CCDC141: variants seen among roughly 807,000 people sequenced by gnomAD.
CCDC141 encodes the protein coiled-coil domain-containing protein 141.
Under a neutral mutation model 181.0 loss-of-function variants are expected in CCDC141, and 168 were observed. The observed-to-expected ratio is 0.93, with a 90% confidence interval of 0.82 to 1.05. The LOEUF (loss-of-function observed/expected upper bound fraction) is 1.05. CCDC141 is among the 50% of genes least tolerant of loss of function. The pLI is 0.00. For missense variants in CCDC141, 1,902 were observed against 1,788.5 expected, an observed-to-expected ratio of 1.06 and a Z score of -1.14; for synonymous variants, 666 against 642.3, an observed-to-expected ratio of 1.04 and a Z score of -0.56.
At position 178,905,510 on chromosome 2, in the gene CCDC141, G is replaced by A; in HGVS notation, c.1093-9C>T. On this transcript the variant is annotated splice_polypyrimidine_tract_variant and intron_variant, in intron 7 of 23. Transcript: ENST00000443758. ...CCAAGTACATCAAATGCCTGCCAAA[G>A]AAAACATACTTTTATTTTCTGCTTC... 1 of 1,537,624 alleles carries A rather than the reference G, an allele frequency of 6.5e-7. No individual in the cohort carries two copies. Among genetic ancestry groups the A allele is most frequent in the Admixed American group, 2.1e-5 (1 of 48,066 alleles).
chr2:178,970,635 A>G (rs930526579), intron 4 of CCDC141, among the ~76,000 whole-genome samples: 3 of 152,242 alleles, frequency 2.0e-5, no homozygotes, highest in African/African-American at 7.2e-5. Flanking sequence ...TGAATCAAAG[A>G]CTTAAATGTA....
intron 17 of CCDC141, among the ~76,000 whole-genome samples, chr2:178,857,991 G>C (rs2154367800): frequency 6.6e-6 from 1 of 152,200 alleles, no homozygotes; most frequent in East Asian, 1.9e-4. Context: ...AGCCCTAGTG[G>C]AATTGCGAAC....
In CCDC141 at chr2:178,853,759, T is replaced by C. The variant is rs186863065; in HGVS notation, c.3061-135A>G. On this transcript the variant is annotated intron_variant, in intron 19 of 23. Transcript: ENST00000443758. ...TTGGCTTGAACTTTCTAAGTCATAA[T>C]AAAGAAAATATTAAAACATGATCGT... 1.2e-4 allele frequency: 74 copies of C among 640,658 alleles called. 1 individual carries two copies. In the East Asian group the frequency reaches 2.0e-3, roughly 17 times the overall value. 39.7% of individuals were successfully genotyped at this position (640,658 alleles called of 1,614,324 possible). A position where few individuals can be genotyped will look rare whatever the true frequency, so the allele number is the denominator to read the frequency against.
intron 2 of CCDC141, among the ~76,000 whole-genome samples, chr2:179,015,374 T>TATATATCTCATATATGTACC (rs2042453807): frequency 6.4e-5 from 8 of 124,784 alleles, no homozygotes; most frequent in African/African-American, 2.4e-4. Flanking sequence ...ATATGTATCA[T>TATATATCTCATATATGTACC]ATATATCTCA....
In CCDC141 at chr2:178,833,094, C is replaced by G. The variant is rs1310010126; in HGVS notation, c.*1079G>C. ...CAGAAATTAGATAGGAATTTAAGCT[C>G]TAATTCATAAAACATCACTTTCCTC... On this transcript the variant is annotated 3_prime_UTR_variant, in exon 24 of 24. Transcript: ENST00000443758. 6.6e-6 allele frequency: 1 copy of G among 152,062 alleles called. No homozygotes were observed. Among genetic ancestry groups the G allele is most frequent in the Non-Finnish European group, 1.5e-5 (1 of 68,028 alleles). The allele number at this position is 152,062 out of a possible 1,614,324, so 9.4% of individuals were successfully genotyped here. A position where few individuals can be genotyped will look rare whatever the true frequency, so the allele number is the denominator to read the frequency against.
At chr2:178,967,271 C>T (rs188057897) in intron 4 of CCDC141, among the ~76,000 whole-genome samples, 19 of 152,176 alleles carry the variant, frequency 1.2e-4, no homozygotes, top group East Asian at 3.9e-4. Flanking sequence ...AGATATTCCT[C>T]GAGAAGAGCA....
In CCDC141 at chr2:178,886,826, T is replaced by C. The variant is rs1423867920; in HGVS notation, c.1453A>G (p.Met485Val). ...TCAGAACGGGTAGAACCAACATCCA[T>C]TGCATTAGAAAGTACTGGACTGATT... ...QKISPVLSNA[M>V]DVGSTRSESE... Residue 485 changes from methionine (M) to valine (V), a missense_variant, in exon 10 of 24, where the codon ATG becomes GTG. Physicochemically the swap from Met to Val is conservative, Grantham distance 21 (BLOSUM62 1). Transcript: ENST00000443758. 4 of 1,472,520 alleles carry C rather than the reference T, an allele frequency of 2.7e-6. No homozygotes were observed. The highest frequency in any genetic ancestry group is 3.6e-6 in the Non-Finnish European group (4 of 1,114,032). 91.2% of individuals were successfully genotyped at this position (1,472,520 alleles called of 1,614,324 possible).
intron 2 of CCDC141, among the ~76,000 whole-genome samples, chr2:178,997,635 T>C (rs985548261): frequency 4.6e-5 from 7 of 152,150 alleles, no homozygotes; most frequent in Non-Finnish European, 1.0e-4. Context: ...GGAAGGATTG[T>C]CCCACCAAAT....
At chr2:178,846,828 T>C (rs923548705) in intron 21 of CCDC141, among the ~76,000 whole-genome samples, 2 of 152,204 alleles carry the variant, frequency 1.3e-5, no homozygotes, top group African/African-American at 2.4e-5. Context: ...TGGAAATCAC[T>C]GGAGATAATG....
intron 15 of CCDC141, among the ~76,000 whole-genome samples, chr2:178,868,407 T>C (rs1685949874): frequency 6.6e-6 from 1 of 152,106 alleles, no homozygotes; most frequent in Non-Finnish European, 1.5e-5. Flanking sequence ...GTCAGTTCCA[T>C]TAAAGAAGGA....
At chr2:178,942,966 C>T (rs1689582595) in intron 6 of CCDC141, among the ~76,000 whole-genome samples, 1 of 151,990 alleles carries the variant, frequency 6.6e-6, no homozygotes, top group Non-Finnish European at 1.5e-5. Flanking sequence ...AAAACTGTGC[C>T]CTACTAAGGT....
intron 7 of CCDC141, 68 bp downstream of exon 7, chr2:178,918,644 AG>A: frequency 9.4e-6 from 12 of 1,278,478 alleles, no homozygotes; most frequent in Non-Finnish European, 1.3e-5. Flanking sequence ...TGCTCCAGTC[AG>A]TTGAAGTAAT....
Position 178,944,651 on chromosome 2 carries a change from C to G in CCDC141, c.781G>C (p.Val261Leu), listed in dbSNP as rs61738855. 1.6e-3 allele frequency: 2,253 copies of G among 1,429,006 alleles called. 23 individuals are homozygous for G. The African/African-American group carries it at 0.028, about 18-fold the overall frequency. The allele number at this position is 1,429,006 out of a possible 1,614,324, so 88.5% of individuals were successfully genotyped here. A position where few individuals can be genotyped will look rare whatever the true frequency, so the allele number is the denominator to read the frequency against. ...ICQWDQQENQ[V>L]TCWFQKTIRN... ...ATAGTTTTCTGAAACCAACAAGTAA[C>G]CTAGGTAAAAGGCAACAAAGAAAGA... The change falls in exon 6 of 24, where the codon GTT (valine) becomes CTT (leucine). Residue 261 changes from valine (V) to leucine (L), a missense_variant and splice_region_variant. Transcript: ENST00000443758.
chr2:178,951,764 G>A (rs1689960471), intron 5 of CCDC141, among the ~76,000 whole-genome samples: 4 of 152,150 alleles, frequency 2.6e-5, no homozygotes, highest in African/African-American at 4.8e-5. Context: ...CAGCCCCAGG[G>A]CTTAGCAGAT....
At chr2:178,841,403 C>T (rs73040366) in intron 22 of CCDC141, among the ~76,000 whole-genome samples, 3,143 of 152,132 alleles carry the variant, frequency 0.021, 89 homozygotes, top group East Asian at 0.11. Context: ...ATAATCATCT[C>T]GGGAAGCAAG....
At position 179,050,063 on chromosome 2, in the gene CCDC141, TA is replaced by T; in HGVS notation, c.-123del. The T allele has an allele frequency of 7.0e-7, 1 of 1,433,672 alleles. No homozygotes were observed. The highest frequency in any genetic ancestry group is 9.3e-7 in the Non-Finnish European group (1 of 1,075,374). The allele number at this position is 1,433,672 out of a possible 1,614,324, so 88.8% of individuals were successfully genotyped here. ...GGGAAAGAGCTCAGCTCACACTGATTACTCTGCCAAAAGGAAAGAACAGGAG... is the reference window on the plus strand; with the variant it reads ...GGGAAAGAGCTCAGCTCACACTGATTCTCTGCCAAAAGGAAAGAACAGGAG... On this transcript the variant is annotated 5_prime_UTR_variant, in exon 1 of 24. An upstream open reading frame in the 5' UTR gains an earlier in-frame stop. Coordinates refer to ENST00000443758, the MANE Select transcript of CCDC141 (RefSeq NM_173648.4).
chr2:178,995,760 T>C (rs1250788544), intron 2 of CCDC141, among the ~76,000 whole-genome samples: 1 of 152,174 alleles, frequency 6.6e-6, no homozygotes, highest in Non-Finnish European at 1.5e-5. Context: ...GACAACTGAG[T>C]GTCTAAATTA....
chr2:179,021,193 C>T (rs557684870), intron 2 of CCDC141, among the ~76,000 whole-genome samples: 3 of 152,184 alleles, frequency 2.0e-5, no homozygotes, highest in African/African-American at 7.2e-5. Flanking sequence ...CCGTTGTAAA[C>T]CATGCTGAAT....
intron 5 of CCDC141, among the ~76,000 whole-genome samples, chr2:178,958,520 T>G (rs935480146): frequency 6.6e-6 from 1 of 151,988 alleles, no homozygotes; most frequent in African/African-American, 2.4e-5. Context: ...AGCACTCACC[T>G]CTAAAAAAAA....
Sources: allele counts gnomAD v4.1 joint callset (sites outside exome capture counted in the v4.1 genomes callset), GRCh38; gene constraint gnomAD v4.1.1; transcripts MANE v1.5; gene names NCBI Gene and HGNC (gene_info 2026-07-23, HGNC 2026-07-21).